COL16A1: variants seen among roughly 807,000 people sequenced by gnomAD.
COL16A1 encodes collagen alpha-1(XVI) chain.
Under a neutral mutation model 266.3 loss-of-function variants are expected in COL16A1, and 189 were observed. That is an observed-to-expected ratio of 0.71 (90% CI 0.63 to 0.80). The LOEUF is 0.80. Ranked by LOEUF, COL16A1 falls within the 30% of genes least tolerant of loss-of-function variation. The pLI is 0.00. For missense variants in COL16A1, 1,928 were observed against 2,122.4 expected (o/e 0.91, Z 1.80); for synonymous variants, 740 against 782.3 (o/e 0.95, Z 0.90).
chr1:31,673,059 A>C, intron 44 of COL16A1: 1 of 632,736 alleles, frequency 1.6e-6, no homozygotes, highest in Non-Finnish European at 2.9e-6. Context: ...TCCAGGAAGA[A>C]GCTCTGGTAC....
intron 67 of COL16A1, 112 bp from the exon 68 acceptor site, chr1:31,654,970 T>TA: frequency 1.8e-4 from 129 of 698,472 alleles, no homozygotes; most frequent in Non-Finnish European, 2.3e-4. Context: ...TCCCACAGAT[T>TA]CTTTTTTTTT....
rs777563361 is a variant in COL16A1, at chr1:31,684,522, C to T, written c.2160+1G>A. The T allele has an allele frequency of 1.2e-6, 2 of 1,611,680 alleles. No homozygotes were observed. Among genetic ancestry groups the T allele is most frequent in the Non-Finnish European group, 1.7e-6 (2 of 1,178,984 alleles). ...GACCCCAACCACCCCGCCTGACTAA[C>T]CTTTTCTCCTTTTGGCCCCGCGGGG... is the stretch of plus-strand genomic sequence containing the variant. On this transcript the variant is annotated splice_donor_variant, in intron 31 of 70. Transcript: ENST00000373672. LOFTEE classifies it high-confidence loss of function.
rs374574761 is a variant in COL16A1, at chr1:31,696,048, C to T, written c.918+40G>A. On this transcript the variant is annotated intron_variant, in intron 9 of 70. Transcript: ENST00000373672. ...GGTTTACAGGGGCACAGAGGGCAGACTGAGGGCAGGTAGGCTCCTCCCCCC... is the reference window on the plus strand; with the variant it reads ...GGTTTACAGGGGCACAGAGGGCAGATTGAGGGCAGGTAGGCTCCTCCCCCC... 622 of 1,566,904 alleles carry T rather than the reference C, an allele frequency of 4.0e-4. 3 individuals carry two copies. In the South Asian group the frequency reaches 6.0e-3, roughly 15 times the overall value.
chr1:31,689,301 C>T, intron 23 of COL16A1: 1 of 736,786 alleles, frequency 1.4e-6, no homozygotes, highest in Non-Finnish European at 2.2e-6. Flanking sequence ...TAAGCTAACC[C>T]AGTGGGAAGT....
In COL16A1 at chr1:31,688,380, A is replaced by C. The variant is rs546672823; in HGVS notation, c.1803+87T>G. 152 of 1,415,306 alleles carry C rather than the reference A, an allele frequency of 1.1e-4. No individual in the cohort carries two copies. Among genetic ancestry groups the C allele is most frequent in the Middle Eastern group, 8.8e-4 (5 of 5,664 alleles). 87.7% of individuals were successfully genotyped at this position (1,415,306 alleles called of 1,614,324 possible). A position where few individuals can be genotyped will look rare whatever the true frequency, so the allele number is the denominator to read the frequency against. On this transcript the variant is annotated intron_variant, in intron 26 of 70. Transcript: ENST00000373672. The surrounding 1 kb of genome is among the most constrained non-coding windows in gnomAD (Gnocchi z 4.9). ...TTTACCGTCTGAATCTCTTGTTTATATTACCCTTATTCCCCGCCCGCACCA... is the reference window on the plus strand; with the variant it reads ...TTTACCGTCTGAATCTCTTGTTTATCTTACCCTTATTCCCCGCCCGCACCA...
In COL16A1 at chr1:31,668,508, G is replaced by A. The variant is rs1448941547; in HGVS notation, c.3250-290C>T. ...AGGACCAGGGAAGAGGGGGTGGGCTGGGATGCTGAGTGACAACAGCCGAGG... is the reference window on the plus strand; with the variant it reads ...AGGACCAGGGAAGAGGGGGTGGGCTAGGATGCTGAGTGACAACAGCCGAGG... On this transcript the variant is annotated intron_variant, in intron 50 of 70. Coordinates refer to ENST00000373672, the MANE Select transcript of COL16A1 (RefSeq NM_001856.4). The surrounding 1 kb of genome is among the most constrained non-coding windows in gnomAD (Gnocchi z 5.8). Among the ~76,000 whole-genome samples, 1 of 152,194 alleles carries A rather than the reference G, an allele frequency of 6.6e-6. No individual in the cohort carries two copies. Among genetic ancestry groups the A allele is most frequent in the Non-Finnish European group, 1.5e-5 (1 of 68,030 alleles).
At chr1:31,667,749 G>A (rs1156566431) in intron 51 of COL16A1, 121 bp from the exon 52 acceptor site, 8 of 983,070 alleles carry the variant, frequency 8.1e-6, no homozygotes, top group Non-Finnish European at 1.3e-5. Flanking sequence ...GGCACTGGGA[G>A]GACCGCTGGG....
Position 31,698,376 on chromosome 1 carries a change from C to A in COL16A1, c.390+107G>T. The A allele has an allele frequency of 1.3e-6, 2 of 1,561,230 alleles. No individual in the cohort carries two copies. Among genetic ancestry groups the A allele is most frequent in the African/African-American group, 2.7e-5 (2 of 74,214 alleles). On this transcript the variant is annotated intron_variant, in intron 5 of 70. Coordinates refer to ENST00000373672, the MANE Select transcript of COL16A1 (RefSeq NM_001856.4). The surrounding 1 kb of genome is among the most constrained non-coding windows in gnomAD (Gnocchi z 4.1). Reference sequence around the variant, plus strand: ...CTGGGGACAGGCTTGAGGGTAGGCACAGGATGGAGCAGGGAGACCCCAGAA... The same window carrying A: ...CTGGGGACAGGCTTGAGGGTAGGCAAAGGATGGAGCAGGGAGACCCCAGAA...
At chr1:31,678,752 G>A (rs1334887271) in intron 42 of COL16A1, among the ~76,000 whole-genome samples, 2 of 152,168 alleles carry the variant, frequency 1.3e-5, no homozygotes, top group African/African-American at 4.8e-5. Flanking sequence ...CTATGAGTTA[G>A]GCGCACTTAG....
chr1:31,689,926 G>A (rs925138402), intron 22 of COL16A1, 75 bp from the exon 23 acceptor site: 2 of 1,305,750 alleles, frequency 1.5e-6, no homozygotes, highest in Non-Finnish European at 2.2e-6. Flanking sequence ...CTCTTGCGCA[G>A]ACCAGCCCTA....
chr1:31,684,125 C>T lies in COL16A1; in HGVS notation c.2267G>A (p.Gly756Asp). 6.4e-7 allele frequency: 1 copy of T among 1,570,150 alleles called. No individual in the cohort carries two copies. The highest frequency in any genetic ancestry group is 1.2e-5 in the South Asian group (1 of 85,464). ...PKGEQGPEGV[G>D]RPGKPGQPGL... ...GCAACTCACGGGTTTACCAGGTCGG[C>T]CCACGCCTTCGGGGCCCTGCTCTCC... Residue 756 changes from glycine (G) to aspartate (D), a missense_variant, in exon 32 of 71, where the codon GGC becomes GAC. Gly to Asp is a moderately conservative substitution (Grantham distance 94). This residue lies in a region of COL16A1 where 1,552 missense variants were observed against 1,637.2 expected (regional missense o/e 0.95). Transcript: ENST00000373672.
At position 31,691,619 on chromosome 1, in the gene COL16A1, G is replaced by A; in HGVS notation, c.1281C>T (p.Val427=). 6.2e-7 allele frequency: 1 copy of A among 1,613,778 alleles called. No individual in the cohort carries two copies. Among genetic ancestry groups the A allele is most frequent in the Non-Finnish European group, 8.5e-7 (1 of 1,179,992 alleles). The change falls in exon 18 of 71, where the codon GTC becomes GTT. Residue 427 remains valine, a synonymous_variant. Transcript: ENST00000373672. ...GRDGRPGEIC[V]IGPKGQKGDP... is the part of the protein sequence containing the mutation. ...TCACCTTCTGCCCTTTGGGCCCAAT[G>A]ACACAGATCTCTCCTGGCCGGCCCT...
At chr1:31,677,429 C>T (rs1351160134) in intron 42 of COL16A1, among the ~76,000 whole-genome samples, 1 of 152,234 alleles carries the variant, frequency 6.6e-6, no homozygotes, top group African/African-American at 2.4e-5. Context: ...TTATTCATCC[C>T]TTGCTCCCCT....
At chr1:31,674,242 C>G (rs913137746) in intron 44 of COL16A1, among the ~76,000 whole-genome samples, 8 of 152,126 alleles carry the variant, frequency 5.3e-5, no homozygotes, top group African/African-American at 1.9e-4. Flanking sequence ...AGGGGGGGCT[C>G]TGGAGGCCAA....
rs1570316139 is a variant in COL16A1 at position 31,653,913 on chromosome 1, A to G, written c.4488T>C (p.Pro1496=). The change falls in exon 69 of 71, where the codon CCT becomes CCC. Residue 1496 remains proline (P), a synonymous_variant. Coordinates refer to ENST00000373672, the MANE Select transcript of COL16A1 (RefSeq NM_001856.4). ...GCCGTCCTTCTCTGCCAATCTGACC[A>G]GGGAGCCCAGGTGACCCTGGAGCAC... The part of the protein sequence containing the change: ...RPGAPGSPGL[P]GQIGREGRQG... 2 of 1,614,018 alleles carry G rather than the reference A, an allele frequency of 1.2e-6. No homozygotes were observed. The highest frequency in any genetic ancestry group is 1.7e-6 in the Non-Finnish European group (2 of 1,179,916).
rs537713017 is a variant in COL16A1, at chr1:31,688,496, C to G, written c.1774G>C (p.Ala592Pro). The G allele has an allele frequency of 9.3e-6, 15 of 1,614,118 alleles. No individual in the cohort carries two copies. In the Admixed American group the frequency reaches 2.0e-4, roughly 22 times the overall value. Residue 592 changes from alanine to proline, a missense_variant, in exon 26 of 71, where the codon GCT becomes CCT. This residue lies in a region of COL16A1 where 1,552 missense variants were observed against 1,637.2 expected (regional missense o/e 0.95). Transcript: ENST00000373672. This position sits in a 1 kb window ranked among gnomAD's most constrained non-coding sequence, Gnocchi z 4.9. ...TCTCCTTTCAGCCCTGGAACCCCAG[C>G]TCTACCCTGAAAAACAACCAAGACA... ...GFGLPGLPGR[A>P]GVPGLKGEKG...
At chr1:31,689,410 CT>C (rs1194387708) in intron 23 of COL16A1, 2 of 565,238 alleles carry the variant, frequency 3.5e-6, no homozygotes, top group African/African-American at 3.8e-5. Flanking sequence ...CTGCTCACTC[CT>C]TTCCTCCACC....
Position 31,668,324 on chromosome 1 carries a change from A to G in COL16A1, c.3250-106T>C, listed in dbSNP as rs988715024. On this transcript the variant is annotated intron_variant, in intron 50 of 70. Transcript: ENST00000373672. This position sits in a 1 kb window ranked among gnomAD's most constrained non-coding sequence, Gnocchi z 5.8. ...AAAACCTCTGGGGCTGCCATCTAGCAGGTGCCAGCCTGCCCCAGCATTGCA... is the reference window on the plus strand; with the variant it reads ...AAAACCTCTGGGGCTGCCATCTAGCGGGTGCCAGCCTGCCCCAGCATTGCA... 4.1e-6 allele frequency: 5 copies of G among 1,231,700 alleles called. No individual in the cohort carries two copies. The highest frequency in any genetic ancestry group is 5.9e-6 in the Non-Finnish European group (5 of 849,246). The allele number at this position is 1,231,700 out of a possible 1,614,324, so 76.3% of individuals were successfully genotyped here.
chr1:31,699,212 G>A (rs771984901), intron 4 of COL16A1, among the ~76,000 whole-genome samples: 1 of 152,220 alleles, frequency 6.6e-6, no homozygotes, highest in African/African-American at 2.4e-5. Context: ...GATGGGGGCA[G>A]GGAGGCCATG....
Sources: allele counts gnomAD v4.1 joint callset (sites outside exome capture counted in the v4.1 genomes callset), GRCh38; gene constraint gnomAD v4.1.1; regional missense constraint gnomAD v4.1.1; non-coding constraint Gnocchi (gnomAD v3.1); transcripts MANE v1.5; gene names NCBI Gene and HGNC (gene_info 2026-07-23, HGNC 2026-07-21).